Variants in ZBTB20 observed in about 807,000 individuals in gnomAD.
ZBTB20 encodes zinc finger and BTB domain containing 20.
A neutral mutation model predicts 56.9 loss-of-function variants in ZBTB20; 9 were observed. That is an observed-to-expected ratio of 0.16 (90% CI 0.10 to 0.28). The LOEUF is 0.28. Ranked by LOEUF, ZBTB20 falls within the 10% of genes least tolerant of loss-of-function variation. ZBTB20 has a pLI of 1.00. For missense variants in ZBTB20, 655 were observed against 1,003.0 expected (o/e 0.65, Z 4.69); for synonymous variants, 417 against 420.7 (o/e 0.99, Z 0.11).
intron 4 of ZBTB20, among the ~76,000 whole-genome samples, chr3:114,837,589 T>G (rs533389340): frequency 9.9e-5 from 15 of 152,156 alleles, no homozygotes; most frequent in Non-Finnish European, 1.6e-4. Flanking sequence ...CACAGGGGTC[T>G]TCACACAGGG....
chr3:114,843,722 G>T (rs1440240238), intron 4 of ZBTB20, among the ~76,000 whole-genome samples: 1 of 151,952 alleles, frequency 6.6e-6, no homozygotes, highest in Admixed American at 6.6e-5. Flanking sequence ...TGTCGCCCAG[G>T]CTGGAGTGTA....
At chr3:115,029,199 G>A (rs1400117921) in intron 2 of ZBTB20, among the ~76,000 whole-genome samples, 1 of 150,380 alleles carries the variant, frequency 6.6e-6, no homozygotes, top group Admixed American at 6.7e-5. Context: ...AGACTTATAT[G>A]GAAAAAATGT....
intron 6 of ZBTB20, among the ~76,000 whole-genome samples, chr3:114,553,017 C>T (rs1488768150): frequency 6.6e-6 from 1 of 152,162 alleles, no homozygotes; most frequent in Non-Finnish European, 1.5e-5. Flanking sequence ...CAAATTTACC[C>T]TTTTCTCTCC....
intron 3 of ZBTB20, among the ~76,000 whole-genome samples, chr3:114,965,855 T>C (rs547397736): frequency 1.3e-4 from 20 of 152,282 alleles, no homozygotes; most frequent in African/African-American, 4.8e-4. Flanking sequence ...AGTTGGGTTA[T>C]TTGTTTTCTT....
At chr3:114,417,720 C>T (rs943288187) in intron 7 of ZBTB20, among the ~76,000 whole-genome samples, 2 of 151,884 alleles carry the variant, frequency 1.3e-5, no homozygotes, top group African/African-American at 4.8e-5. Context: ...CTCAATAGAG[C>T]AAAAAATCTT....
intron 5 of ZBTB20, among the ~76,000 whole-genome samples, chr3:114,758,192 TA>T (rs1462756615): frequency 6.6e-6 from 1 of 152,086 alleles, no homozygotes; most frequent in Admixed American, 6.6e-5. Flanking sequence ...CTTGTAAGAG[TA>T]TCTCTGTTTC....
At chr3:114,341,612 A>G (rs2079773455) in intron 11 of ZBTB20, among the ~76,000 whole-genome samples, 2 of 152,214 alleles carry the variant, frequency 1.3e-5, no homozygotes, top group African/African-American at 2.4e-5. Context: ...ACACTCTTCT[A>G]ATCTGTCTAT....
intron 5 of ZBTB20, among the ~76,000 whole-genome samples, chr3:114,793,968 T>C (rs2071168384): frequency 6.6e-6 from 1 of 151,962 alleles, no homozygotes; most frequent in Admixed American, 6.6e-5. Context: ...TTTTAGACAT[T>C]TGGGCTATTA....
chr3:114,877,753 C>T (rs1441941537), intron 4 of ZBTB20, among the ~76,000 whole-genome samples: 1 of 152,108 alleles, frequency 6.6e-6, no homozygotes, highest in Non-Finnish European at 1.5e-5. Context: ...TGTAGCCTTA[C>T]ATTTTCTTTT....
intron 3 of ZBTB20, 155 bp from the exon 4 acceptor site, chr3:114,900,497 A>G (rs1267794857): frequency 7.7e-6 from 1 of 130,574 alleles, no homozygotes; most frequent in African/African-American, 2.8e-5. Flanking sequence ...GATATTTCAT[A>G]TATCTGAAAA....
chr3:115,099,950 C>T (rs1266171542), intron 1 of ZBTB20, among the ~76,000 whole-genome samples: 3 of 151,986 alleles, frequency 2.0e-5, no homozygotes, highest in Admixed American at 2.0e-4. Flanking sequence ...AGTAACAAAA[C>T]TGAATCACAA....
In ZBTB20 at chr3:114,488,641, A is replaced by G. The variant is rs189625277; in HGVS notation, c.-255+11711T>C. ...GCAGTCTCTTTTTTTGTTGGTGAAGATATTAACCAATGCTAGAGGACAGTT... is the reference window on the plus strand; with the variant it reads ...GCAGTCTCTTTTTTTGTTGGTGAAGGTATTAACCAATGCTAGAGGACAGTT... On this transcript the variant is annotated intron_variant, in intron 7 of 11. Transcript: ENST00000675478. 5.6e-3 allele frequency among the ~76,000 whole-genome samples: 851 copies of G among 152,300 alleles called. 6 individuals carry two copies. The highest frequency in any genetic ancestry group is 0.019 in the African/African-American group (775 of 41,564).
chr3:115,054,651 T>C (rs935595497), intron 2 of ZBTB20, among the ~76,000 whole-genome samples: 1 of 152,150 alleles, frequency 6.6e-6, no homozygotes. Context: ...GGTTAACCTT[T>C]ATCATGCAAG....
chr3:114,760,763 C>T (rs1366169369), intron 5 of ZBTB20, among the ~76,000 whole-genome samples: 2 of 152,168 alleles, frequency 1.3e-5, no homozygotes, highest in Non-Finnish European at 2.9e-5. Flanking sequence ...ATGAAACATG[C>T]TTGACACACA....
At chr3:114,384,637 T>G (rs16822575) in intron 8 of ZBTB20, among the ~76,000 whole-genome samples, 3,425 of 152,118 alleles carry the variant, frequency 0.023, 125 homozygotes, top group African/African-American at 0.078. Context: ...GAATTGGGAG[T>G]GTGTTTTAAG....
chr3:114,577,710 C>CTA (rs2054230162), intron 6 of ZBTB20, among the ~76,000 whole-genome samples: 1 of 152,114 alleles, frequency 6.6e-6, no homozygotes, highest in African/African-American at 2.4e-5. Flanking sequence ...AAAAATTTGG[C>CTA]CAACTACTGC....
rs1444522234 is a variant in ZBTB20, at chr3:114,748,368, C to CTCTCTCTCTCTCTCTCTCTCTCTCTT, written c.-343+52732_-343+52733insAAGAGAGAGAGAGAGAGAGAGAGAGA. On this transcript the variant is annotated intron_variant, in intron 5 of 11. Transcript: ENST00000675478. The stretch of plus-strand genomic sequence containing the variant: ...TTCTTTCTTTTCTCTCTCTCTCTCT[C>CTCTCTCTCTCTCTCTCTCTCTCTCTT]TCTCTCTCTCTTTCTTTCTTTTGGC... Among the ~76,000 whole-genome samples, 3 of 144,338 alleles carry CTCTCTCTCTCTCTCTCTCTCTCTCTT rather than the reference C, an allele frequency of 2.1e-5. No homozygotes were observed. In the Admixed American group the frequency reaches 2.1e-4, roughly 10 times the overall value. The allele number at this position is 144,338 out of a possible 152,430, so 94.7% of individuals were successfully genotyped here. A position where few individuals can be genotyped will look rare whatever the true frequency, so the allele number is the denominator to read the frequency against.
chr3:114,868,672 C>A (rs1326630952), intron 4 of ZBTB20, among the ~76,000 whole-genome samples: 1 of 152,096 alleles, frequency 6.6e-6, no homozygotes, highest in African/African-American at 2.4e-5. Flanking sequence ...TTGTTTATAC[C>A]AGTTGCACAT....
intron 3 of ZBTB20, among the ~76,000 whole-genome samples, chr3:114,961,754 C>A (rs1560440704): frequency 6.6e-6 from 1 of 152,046 alleles, no homozygotes; most frequent in Non-Finnish European, 1.5e-5. Flanking sequence ...TTCACCATGT[C>A]TCTTTTGATA....
Sources: gnomAD v4.1 joint callset for allele counts (sites outside exome capture counted in the v4.1 genomes callset) on GRCh38, gnomAD v4.1.1 for gene constraint, MANE v1.5 for transcripts, NCBI Gene and HGNC (gene_info 2026-07-23, HGNC 2026-07-21) for gene names.